Variants in SH3GL2 observed in about 807,000 individuals in gnomAD.
SH3GL2 encodes the protein SH3 domain containing GRB2 like 2, endophilin A1.
In SH3GL2, 24 loss-of-function variants were observed where a neutral mutation model predicts 46.0. That is an observed-to-expected ratio of 0.52 (90% CI 0.38 to 0.73). SH3GL2 has a LOEUF of 0.73. SH3GL2 is among the 30% of genes least tolerant of loss of function. The pLI is 0.00. For missense variants in SH3GL2, 413 were observed against 424.2 expected, an observed-to-expected ratio of 0.97 and a Z score of 0.23; for synonymous variants, 196 against 147.1, an observed-to-expected ratio of 1.33 and a Z score of -2.40.
intron 1 of SH3GL2, chr9:17,589,567 G>A (rs906706811): frequency 3.3e-5 from 5 of 152,170 alleles, no homozygotes; most frequent in Admixed American, 1.3e-4. Context: ...GATCTGCAAA[G>A]AAGTTTCTGA....
intron 2 of SH3GL2, among the ~76,000 whole-genome samples, chr9:17,754,923 G>A (rs1163626632): frequency 6.6e-6 from 1 of 152,090 alleles, no homozygotes; most frequent in African/African-American, 2.4e-5. Context: ...GGATCATGCC[G>A]TCTGCAAACA....
chr9:17,731,084 G>A (rs991142634), intron 1 of SH3GL2, among the ~76,000 whole-genome samples: 5 of 152,080 alleles, frequency 3.3e-5, no homozygotes, highest in African/African-American at 1.2e-4. Flanking sequence ...AAAGCAAAAC[G>A]TTGTATAGTC....
intron 1 of SH3GL2, among the ~76,000 whole-genome samples, chr9:17,643,419 A>T (rs1009752541): frequency 2.0e-5 from 3 of 152,124 alleles, no homozygotes; most frequent in African/African-American, 7.2e-5. Flanking sequence ...TTCCAATACT[A>T]TGTTGAATAG....
chr9:17,652,795 A>G (rs966465498), intron 1 of SH3GL2, among the ~76,000 whole-genome samples: 1 of 152,220 alleles, frequency 6.6e-6, no homozygotes, highest in Admixed American at 6.5e-5. Flanking sequence ...TATGGGAAAC[A>G]TACTGAATTA....
At chr9:17,649,994 C>T (rs376349323) in intron 1 of SH3GL2, among the ~76,000 whole-genome samples, 2 of 152,110 alleles carry the variant, frequency 1.3e-5, no homozygotes, top group Admixed American at 6.5e-5. Context: ...AAAGAAAAGC[C>T]TTCATAACCA....
intron 1 of SH3GL2, among the ~76,000 whole-genome samples, chr9:17,717,475 AC>A (rs3837227): frequency 0.044 from 6,631 of 151,882 alleles, 409 homozygotes; most frequent in African/African-American, 0.13. Context: ...CAGAGTAAAA[AC>A]CTTTTGATCT....
chr9:17,621,578 G>C (rs1819139645), intron 1 of SH3GL2, among the ~76,000 whole-genome samples: 1 of 152,198 alleles, frequency 6.6e-6, no homozygotes, highest in East Asian at 1.9e-4. Flanking sequence ...AGAGAGGAGA[G>C]ATCAAGATCA....
chr9:17,733,620 G>A (rs534435336), intron 1 of SH3GL2, among the ~76,000 whole-genome samples: 1 of 151,174 alleles, frequency 6.6e-6, no homozygotes, highest in Admixed American at 6.6e-5. Context: ...CCATTACTGG[G>A]TATATACCCA....
At chr9:17,748,239 G>T (rs1822749463) in intron 2 of SH3GL2, among the ~76,000 whole-genome samples, 1 of 152,136 alleles carries the variant, frequency 6.6e-6, no homozygotes, top group African/African-American at 2.4e-5. Flanking sequence ...GTTACATTGT[G>T]CACAGAAACA....
At chr9:17,662,371 GCT>G (rs1253174022) in intron 1 of SH3GL2, among the ~76,000 whole-genome samples, 1 of 152,166 alleles carries the variant, frequency 6.6e-6, no homozygotes, top group Non-Finnish European at 1.5e-5. Context: ...AGAATAGCCA[GCT>G]TCATATAGGA....
chr9:17,681,430 G>A (rs1820763837), intron 1 of SH3GL2, among the ~76,000 whole-genome samples: 1 of 152,034 alleles, frequency 6.6e-6, no homozygotes, highest in African/African-American at 2.4e-5. Flanking sequence ...TTGTGTTAGG[G>A]TTTCCTGTAG....
intron 3 of SH3GL2, among the ~76,000 whole-genome samples, chr9:17,776,477 A>G (rs1823643456): frequency 6.6e-6 from 1 of 152,072 alleles, no homozygotes; most frequent in Admixed American, 6.6e-5. Flanking sequence ...GTCTGTCACA[A>G]CCTCAACAAC....
intron 1 of SH3GL2, among the ~76,000 whole-genome samples, chr9:17,738,647 G>T (rs866808255): frequency 0.12 from 5,810 of 47,124 alleles, 276 homozygotes; most frequent in African/African-American, 0.23. Context: ...TATATAGAGA[G>T]AGAGAGAGAG....
intron 1 of SH3GL2, among the ~76,000 whole-genome samples, chr9:17,726,143 C>T (rs746415301): frequency 6.6e-6 from 1 of 152,018 alleles, no homozygotes; most frequent in Non-Finnish European, 1.5e-5. Flanking sequence ...TAATTTTCAC[C>T]AGTTAAATAA....
At chr9:17,775,815 G>A (rs1362471362) in intron 3 of SH3GL2, among the ~76,000 whole-genome samples, 1 of 152,112 alleles carries the variant, frequency 6.6e-6, no homozygotes, top group Non-Finnish European at 1.5e-5. Context: ...ATGTGACTTG[G>A]AGTACTGTGG....
chr9:17,714,625 C>G lies in SH3GL2; in HGVS notation c.46-32441C>G, dbSNP rs1821707280. 2.0e-5 allele frequency among the ~76,000 whole-genome samples: 3 copies of G among 151,812 alleles called. No homozygotes were observed. The South Asian group carries it at 6.2e-4, about 31-fold the overall frequency. On this transcript the variant is annotated intron_variant, in intron 1 of 8. Coordinates refer to ENST00000380607, the MANE Select transcript of SH3GL2 (RefSeq NM_003026.5). Reference sequence around the variant, plus strand: ...TATTTAGTACTTCACTTATTGCATACAAACCTTAGAGCAGTATACTTCATT... The same window carrying G: ...TATTTAGTACTTCACTTATTGCATAGAAACCTTAGAGCAGTATACTTCATT...
At chr9:17,688,143 C>A (rs550976310) in intron 1 of SH3GL2, among the ~76,000 whole-genome samples, 39 of 151,980 alleles carry the variant, frequency 2.6e-4, no homozygotes, top group Non-Finnish European at 4.3e-4. Context: ...ATTTGTTATG[C>A]TACTTAGCAA....
chr9:17,615,577 C>A (rs1242568248), intron 1 of SH3GL2, among the ~76,000 whole-genome samples: 1 of 148,658 alleles, frequency 6.7e-6, no homozygotes, highest in African/African-American at 2.5e-5. Flanking sequence ...AGTTCTTGAA[C>A]CCAGGAGGCA....
intron 3 of SH3GL2, among the ~76,000 whole-genome samples, chr9:17,780,652 C>G (rs1023594398): frequency 9.2e-6 from 1 of 108,856 alleles, no homozygotes; most frequent in Admixed American, 9.9e-5. Context: ...CACCATAGTC[C>G]CCAGAGTGTG....
Sources: gnomAD v4.1 joint callset for allele counts (sites outside exome capture counted in the v4.1 genomes callset) on GRCh38, gnomAD v4.1.1 for gene constraint, MANE v1.5 for transcripts, NCBI Gene and HGNC (gene_info 2026-07-23, HGNC 2026-07-21) for gene names.